UBE2D2: variants seen among roughly 807,000 people sequenced by gnomAD.
UBE2D2 encodes ubiquitin-conjugating enzyme E2 D2.
Under a neutral mutation model 24.2 loss-of-function variants are expected in UBE2D2, and 2 were observed. That is an observed-to-expected ratio of 0.08 (90% CI 0.03 to 0.26). UBE2D2 has a LOEUF of 0.26. Among genes scored for constraint, UBE2D2 ranks in the 10% least tolerant of loss-of-function variants. The probability of loss-of-function intolerance (pLI) is 1.00; values close to 1 mark genes in which losing one functional copy is unlikely to be tolerated. For synonymous variants in UBE2D2, 58 were observed against 56.5 expected, an observed-to-expected ratio of 1.03 and a Z score of -0.12; for missense variants, 44 against 177.6, an observed-to-expected ratio of 0.25 and a Z score of 4.28.
intron 1 of UBE2D2, among the ~76,000 whole-genome samples, chr5:139,527,277 T>G (rs1370044388): frequency 6.6e-6 from 1 of 152,172 alleles, no homozygotes; most frequent in African/African-American, 2.4e-5. Flanking sequence ...CAGCTGGTTT[T>G]AGACCCCCTT....
chr5:139,584,536 T>TTC (rs997345883), intron 1 of UBE2D2, among the ~76,000 whole-genome samples: 3 of 149,622 alleles, frequency 2.0e-5, no homozygotes, highest in South Asian at 2.1e-4. Context: ...TTCTTTTCTT[T>TTC]TTTTTTTTTT....
intron 1 of UBE2D2, among the ~76,000 whole-genome samples, chr5:139,570,052 T>C (rs1753317729): frequency 6.6e-6 from 1 of 152,090 alleles, no homozygotes; most frequent in Admixed American, 6.6e-5. Context: ...ACCTAGGAGT[T>C]CAAGACCAGC....
chr5:139,613,878 G>A (rs1297304605), intron 2 of UBE2D2, among the ~76,000 whole-genome samples: 4 of 152,072 alleles, frequency 2.6e-5, no homozygotes, highest in Admixed American at 1.3e-4. Flanking sequence ...CTGGCCAAAC[G>A]TGGCAAAACC....
chr5:139,556,878 A>T (rs1752987887), upstream of UBE2D2, among the ~76,000 whole-genome samples: 1 of 150,196 alleles, frequency 6.7e-6, no homozygotes. Context: ...TTTGTCGCCC[A>T]GGCTGGAGTG....
chr5:139,599,752 A>G (rs945016944), intron 1 of UBE2D2, among the ~76,000 whole-genome samples: 2 of 151,894 alleles, frequency 1.3e-5, no homozygotes, highest in African/African-American at 4.8e-5. Context: ...ACAAACAACA[A>G]ACAAACAAAA....
At chr5:139,540,379 T>C (rs1030809313) in intron 1 of UBE2D2, among the ~76,000 whole-genome samples, 2 of 151,978 alleles carry the variant, frequency 1.3e-5, no homozygotes, top group Admixed American at 1.3e-4. Flanking sequence ...CATAAACCCA[T>C]CTTTGTTTAA....
intron 1 of UBE2D2, among the ~76,000 whole-genome samples, chr5:139,540,487 A>T (rs923660216): frequency 6.1e-5 from 9 of 147,316 alleles, no homozygotes; most frequent in African/African-American, 2.3e-4. Flanking sequence ...TGGAGCTTGC[A>T]GTGAGCCAAG....
intron 1 of UBE2D2, among the ~76,000 whole-genome samples, chr5:139,573,404 TC>T (rs769106556): frequency 1.7e-4 from 26 of 152,272 alleles, no homozygotes; most frequent in Non-Finnish European, 2.4e-4. Context: ...ATAATAAAAG[TC>T]ATCCTCATCA....
At chr5:139,562,074 C>T (rs779304899) in intron 1 of UBE2D2, 2 of 877,786 alleles carry the variant, frequency 2.3e-6, no homozygotes, top group Non-Finnish European at 3.4e-6. Context: ...GGTGTGGACT[C>T]TTAGGGCTTC....
intron 1 of UBE2D2, among the ~76,000 whole-genome samples, chr5:139,533,051 T>A (rs897999174): frequency 2.0e-5 from 3 of 149,474 alleles, no homozygotes; most frequent in African/African-American, 7.4e-5. Context: ...GAGGTTGCAG[T>A]AAGCTGAGAT....
intron 1 of UBE2D2, among the ~76,000 whole-genome samples, chr5:139,583,290 T>C (rs1337308036): frequency 6.6e-6 from 1 of 152,182 alleles, no homozygotes; most frequent in Non-Finnish European, 1.5e-5. Context: ...CAATGTATTC[T>C]TAAAAATTGC....
intron 1 of UBE2D2, among the ~76,000 whole-genome samples, chr5:139,591,841 A>G (rs1172995418): frequency 6.6e-6 from 1 of 152,182 alleles, no homozygotes; most frequent in Non-Finnish European, 1.5e-5. Flanking sequence ...CCTAGTTAAG[A>G]TAGGAGTGAG....
intron 1 of UBE2D2, among the ~76,000 whole-genome samples, chr5:139,591,657 T>G (rs1211929080): frequency 1.3e-5 from 2 of 152,192 alleles, no homozygotes; most frequent in Admixed American, 1.3e-4. Flanking sequence ...GCAGATGATT[T>G]GATTTGTCAA....
chr5:139,541,185 C>T (rs1417970192), intron 1 of UBE2D2, among the ~76,000 whole-genome samples: 13 of 151,538 alleles, frequency 8.6e-5, no homozygotes, highest in Non-Finnish European at 1.2e-4. Context: ...GTAATCCTAG[C>T]TACTTGGGAG....
intron 1 of UBE2D2, among the ~76,000 whole-genome samples, chr5:139,540,120 T>C (rs1325084680): frequency 6.6e-6 from 1 of 152,046 alleles, no homozygotes; most frequent in Non-Finnish European, 1.5e-5. Flanking sequence ...TGTTTCACCA[T>C]GTTGGCCAGG....
chr5:139,568,114 C>T (rs531766156), intron 1 of UBE2D2, among the ~76,000 whole-genome samples: 3 of 151,872 alleles, frequency 2.0e-5, no homozygotes, highest in Admixed American at 6.6e-5. Flanking sequence ...GAGGCTGAGG[C>T]GGGCCGACCA....
rs73261138 is a variant in UBE2D2 at position 139,611,824 on chromosome 5, A to T, written c.89-2762A>T. On this transcript the variant is annotated intron_variant, in intron 2 of 6. Coordinates refer to ENST00000398733, the MANE Select transcript of UBE2D2 (RefSeq NM_003339.3). ...ATATTAGAAATTCACACACAAGTTA[A>T]AATGGAAAAACTGCCAATACCTGAT... Among the ~76,000 whole-genome samples, 560 of 152,328 alleles carry T rather than the reference A, an allele frequency of 3.7e-3. 4 individuals carry two copies. The highest frequency in any genetic ancestry group is 0.013 in the African/African-American group (543 of 41,572).
intron 1 of UBE2D2, among the ~76,000 whole-genome samples, chr5:139,539,683 C>A (rs1752730825): frequency 6.6e-6 from 1 of 152,062 alleles, no homozygotes; most frequent in Non-Finnish European, 1.5e-5. Context: ...CCTCTGCCTC[C>A]CGGGTTCAAG....
At chr5:139,562,234 C>T (rs750662315) in intron 1 of UBE2D2, 2 of 1,367,844 alleles carry the variant, frequency 1.5e-6, no homozygotes, top group Non-Finnish European at 1.9e-6. Context: ...TCCTCCCACA[C>T]CTGCCCTAGC....
Sources: gnomAD v4.1 joint callset for allele counts (sites outside exome capture counted in the v4.1 genomes callset) on GRCh38, gnomAD v4.1.1 for gene constraint, MANE v1.5 for transcripts, NCBI Gene and HGNC (gene_info 2026-07-23, HGNC 2026-07-21) for gene names.